COG6: variants seen among roughly 807,000 people sequenced by gnomAD.
The protein encoded by COG6 is component of oligomeric golgi complex 6.
Under a neutral mutation model 88.8 loss-of-function variants are expected in COG6, and 74 were observed. The ratio of observed to expected loss-of-function variants is 0.83; its 90% CI spans 0.69 to 1.01. The LOEUF (loss-of-function observed/expected upper bound fraction) is 1.01, where lower values mean the gene tolerates loss of function less well. COG6 is among the 50% of genes least tolerant of loss of function. The pLI is 0.00. For synonymous variants in COG6, 286 were observed against 278.7 expected (o/e 1.03, Z -0.26); for missense variants, 800 against 797.9 (o/e 1.00, Z -0.03).
chr13:39,762,097 A>G (rs1253563297), intron 18 of COG6, among the ~76,000 whole-genome samples: 1 of 152,014 alleles, frequency 6.6e-6, no homozygotes, highest in Non-Finnish European at 1.5e-5. Context: ...CACAATAGCC[A>G]AGATATGGAA....
intron 18 of COG6, among the ~76,000 whole-genome samples, chr13:39,731,043 G>A (rs939971689): frequency 1.3e-5 from 2 of 151,650 alleles, no homozygotes; most frequent in South Asian, 2.1e-4. Flanking sequence ...GGCTGGTCTC[G>A]AACTCCTGAC....
chr13:39,755,657 C>T (rs1354545181), downstream of COG6, among the ~76,000 whole-genome samples: 1 of 152,004 alleles, frequency 6.6e-6, no homozygotes, highest in Admixed American at 6.6e-5. Flanking sequence ...ACAGAGAGAC[C>T]GTAATCTCTC....
At chr13:39,727,370 T>A (rs1206395179) in intron 17 of COG6, 99 bp from the exon 18 acceptor site, 7 of 908,992 alleles carry the variant, frequency 7.7e-6, no homozygotes, top group Non-Finnish European at 1.1e-5. Flanking sequence ...AGTATGGAAT[T>A]TTTCTCAAGG....
intron 18 of COG6, among the ~76,000 whole-genome samples, chr13:39,766,741 G>A (rs2138171369): frequency 6.6e-6 from 1 of 152,320 alleles, no homozygotes; most frequent in African/African-American, 2.4e-5. Context: ...AGCAGATGGG[G>A]ATCTTGGCAA....
At chr13:39,684,309 C>T (rs1030581097) in intron 8 of COG6, among the ~76,000 whole-genome samples, 22 of 118,160 alleles carry the variant, frequency 1.9e-4, no homozygotes, top group Non-Finnish European at 3.2e-4. Flanking sequence ...AGTGCAGTGA[C>T]GCAATCTCGG....
chr13:39,724,236 T>C (rs538683993), intron 16 of COG6, among the ~76,000 whole-genome samples: 6 of 152,080 alleles, frequency 3.9e-5, no homozygotes, highest in African/African-American at 1.2e-4. Flanking sequence ...TTCCAGTGCT[T>C]CATTGCCTTC....
intron 5 of COG6, chr13:39,679,268 A>G (rs1876163669): frequency 2.3e-6 from 1 of 431,086 alleles, no homozygotes; most frequent in Non-Finnish European, 4.2e-6. Flanking sequence ...GAGGACAGGG[A>G]TTTTTGTCTT....
intron 18 of COG6, among the ~76,000 whole-genome samples, chr13:39,779,241 T>C (rs969957262): frequency 4.4e-5 from 4 of 91,238 alleles, no homozygotes; most frequent in African/African-American, 1.3e-4. Flanking sequence ...GTATGGTAAG[T>C]GCTTTCAGTA....
chr13:39,778,638 T>C (rs1007496609), intron 18 of COG6, among the ~76,000 whole-genome samples: 3 of 152,234 alleles, frequency 2.0e-5, no homozygotes, highest in Non-Finnish European at 2.9e-5. Context: ...TCAAACTTAG[T>C]TATTTAAAAC....
intron 3 of COG6, among the ~76,000 whole-genome samples, chr13:39,663,145 A>G (rs1445261681): frequency 6.6e-6 from 1 of 151,974 alleles, no homozygotes; most frequent in Admixed American, 6.6e-5. Context: ...AATCATCTTT[A>G]ACATTTAAGA....
At chr13:39,763,002 G>A (rs1263803666) in intron 18 of COG6, among the ~76,000 whole-genome samples, 3 of 151,498 alleles carry the variant, frequency 2.0e-5, no homozygotes, top group East Asian at 1.9e-4. Context: ...ATGAATGGAC[G>A]TTGAATTTTA....
At chr13:39,670,238 A>G (rs1158822928) in intron 4 of COG6, among the ~76,000 whole-genome samples, 1 of 152,104 alleles carries the variant, frequency 6.6e-6, no homozygotes, top group African/African-American at 2.4e-5. Flanking sequence ...CTTCACTGAT[A>G]ATCAGGAAAG....
chr13:39,675,597 T>G (rs1875921045), intron 4 of COG6, among the ~76,000 whole-genome samples: 2 of 152,160 alleles, frequency 1.3e-5, no homozygotes, highest in Admixed American at 1.3e-4. Flanking sequence ...TCTGTCTTTA[T>G]CTCATGATTG....
intron 18 of COG6, among the ~76,000 whole-genome samples, chr13:39,778,762 G>A (rs921226679): frequency 2.0e-5 from 3 of 152,210 alleles, no homozygotes; most frequent in African/African-American, 7.2e-5. Flanking sequence ...GGGGCAGGAG[G>A]GGAGCCACTG....
intron 18 of COG6, among the ~76,000 whole-genome samples, chr13:39,745,674 G>A (rs1217858317): frequency 1.3e-5 from 2 of 152,212 alleles, no homozygotes; most frequent in Non-Finnish European, 2.9e-5. Context: ...GTGGAAGACA[G>A]TGTGGCAAAT....
Position 39,659,267 on chromosome 13 carries a change from T to C in COG6, c.154-97T>C, listed in dbSNP as rs7330515. ...TATTTTTCGGATTGGTTAATGAAAA[T>C]AAATCATTTGAAAATGATTTCATTA... On this transcript the variant is annotated intron_variant, in intron 1 of 18. Transcript: ENST00000455146. 0.68 allele frequency: 817,181 copies of C among 1,209,150 alleles called. 277,344 individuals carry two copies. The highest frequency in any genetic ancestry group is 0.78 in the Admixed American group (39,216 of 50,080). The allele number at this position is 1,209,150 out of a possible 1,614,324, so 74.9% of individuals were successfully genotyped here. A position where few individuals can be genotyped will look rare whatever the true frequency, so the allele number is the denominator to read the frequency against.
chr13:39,745,113 C>T (rs570572883), intron 18 of COG6, among the ~76,000 whole-genome samples: 70 of 152,228 alleles, frequency 4.6e-4, no homozygotes, highest in South Asian at 1.2e-3. Context: ...AAGACTTAAA[C>T]GTTAGACCTA....
chr13:39,732,139 C>G (rs1484581025), intron 18 of COG6, among the ~76,000 whole-genome samples: 1 of 152,216 alleles, frequency 6.6e-6, no homozygotes, highest in African/African-American at 2.4e-5. Context: ...GAAACACCCT[C>G]ACAGACACAC....
At chr13:39,676,670 TTTTG>T (rs1262887809) in intron 4 of COG6, among the ~76,000 whole-genome samples, 3 of 152,298 alleles carry the variant, frequency 2.0e-5, no homozygotes, top group South Asian at 2.1e-4. Context: ...CTTATTTGAA[TTTTG>T]TTTAATTGTG....
Sources: gnomAD v4.1 joint callset for allele counts (sites outside exome capture counted in the v4.1 genomes callset) on GRCh38, gnomAD v4.1.1 for gene constraint, MANE v1.5 for transcripts, NCBI Gene and HGNC (gene_info 2026-07-23, HGNC 2026-07-21) for gene names.